The following MAP3K4 variants were observed in gnomAD, a reference collection of about 807,000 sequenced individuals.
MAP3K4 encodes the protein mitogen-activated protein kinase kinase kinase 4, also known as MAP three kinase 1.
In MAP3K4, 67 loss-of-function variants were observed where a neutral mutation model predicts 185.6. The observed-to-expected ratio is 0.36, with a 90% CI of 0.30 to 0.44. The LOEUF is 0.44. MAP3K4 is among the 20% of genes least tolerant of loss of function. MAP3K4 has a pLI of 1.00. For synonymous variants in MAP3K4, 702 were observed against 710.4 expected (o/e 0.99, Z 0.19); for missense variants, 1,551 against 1,995.1 (o/e 0.78, Z 4.24).
At chr6:161,025,715 A>T (rs1782616083) in intron 1 of MAP3K4, among the ~76,000 whole-genome samples, 1 of 152,240 alleles carries the variant, frequency 6.6e-6, no homozygotes, top group Non-Finnish European at 1.5e-5. Context: ...ATTTTAAAAA[A>T]TGTTCTTATT....
In MAP3K4 at chr6:161,107,983, C is replaced by T; in HGVS notation, c.4119+14C>T. ...GCCATGAAAGAGGTGAGTCACCTGG[C>T]TCCGTGGGGCCTTTGGGCCTGGCGG... is the stretch of plus-strand genomic sequence containing the variant. On this transcript the variant is annotated intron_variant, in intron 21 of 26. Transcript: ENST00000392142. The surrounding 1 kb of genome is among the most constrained non-coding windows in gnomAD (Gnocchi z 6.2). 1 of 1,613,030 alleles carries T rather than the reference C, an allele frequency of 6.2e-7. No homozygotes were observed. The highest frequency in any genetic ancestry group is 8.5e-7 in the Non-Finnish European group (1 of 1,179,628).
chr6:161,068,517 A>T (rs1784800850), intron 3 of MAP3K4, among the ~76,000 whole-genome samples: 1 of 152,230 alleles, frequency 6.6e-6, no homozygotes, highest in Admixed American at 6.5e-5. Flanking sequence ...TAGGCTAAAT[A>T]AAAGTGTCTG....
intron 15 of MAP3K4, among the ~76,000 whole-genome samples, chr6:161,094,648 T>G (rs1268938865): frequency 6.6e-6 from 1 of 152,240 alleles, no homozygotes; most frequent in South Asian, 2.1e-4. Flanking sequence ...CTAACTGTAT[T>G]TCATATAGGG....
rs1005895977 is a variant in MAP3K4, at chr6:161,070,551, C to T, written c.1708-57C>T. Reference sequence around the variant, plus strand: ...GAGAATAAGAGTTTATAACCACAACCGTAGAACGTTGTCTCGTATGCTCTT... The same window carrying T: ...GAGAATAAGAGTTTATAACCACAACTGTAGAACGTTGTCTCGTATGCTCTT... On this transcript the variant is annotated intron_variant, in intron 3 of 26. Transcript: ENST00000392142. The surrounding 1 kb of genome is among the most constrained non-coding windows in gnomAD (Gnocchi z 4.5). The T allele has an allele frequency of 9.2e-6, 14 of 1,519,482 alleles. No homozygotes were observed. The highest frequency in any genetic ancestry group is 2.3e-4 in the Middle Eastern group (1 of 4,270). 94.1% of individuals were successfully genotyped at this position (1,519,482 alleles called of 1,614,324 possible). A position where few individuals can be genotyped will look rare whatever the true frequency, so the allele number is the denominator to read the frequency against.
chr6:161,098,546 T>A lies in MAP3K4; in HGVS notation c.3674+119T>A. The stretch of plus-strand genomic sequence containing the variant: ...GGGCTTCTTTGCTGTGGCGTGTGAG[T>A]GATGCTCTAGGGCCTTCCGCAGGTT... On this transcript the variant is annotated intron_variant, in intron 17 of 26. Coordinates refer to ENST00000392142, the MANE Select transcript of MAP3K4 (RefSeq NM_005922.4). This position sits in a 1 kb window ranked among gnomAD's most constrained non-coding sequence, Gnocchi z 4.4. 1 of 1,269,452 alleles carries A rather than the reference T, an allele frequency of 7.9e-7. No homozygotes were observed. Among genetic ancestry groups the A allele is most frequent in the Non-Finnish European group, 1.1e-6 (1 of 930,836 alleles). 78.6% of individuals were successfully genotyped at this position (1,269,452 alleles called of 1,614,324 possible).
chr6:161,011,814 G>A (rs1025043099), intron 1 of MAP3K4, among the ~76,000 whole-genome samples: 6 of 152,290 alleles, frequency 3.9e-5, no homozygotes, highest in African/African-American at 1.4e-4. Flanking sequence ...TAAGTCAGTA[G>A]TAGCTCACTG....
chr6:161,105,567 G>T (rs1420175683), intron 19 of MAP3K4, among the ~76,000 whole-genome samples: 2 of 152,180 alleles, frequency 1.3e-5, no homozygotes, highest in African/African-American at 2.4e-5. Flanking sequence ...ATCAGAGATG[G>T]CTTCCTAGAA....
At chr6:161,099,682 C>T (rs1305549922) in intron 17 of MAP3K4, among the ~76,000 whole-genome samples, 1 of 152,196 alleles carries the variant, frequency 6.6e-6, no homozygotes, top group African/African-American at 2.4e-5. Flanking sequence ...ACCCTGTGCC[C>T]CCTGCATCCC....
At position 161,073,579 on chromosome 6, in the gene MAP3K4, C is replaced by T. The variant is rs374997561; in HGVS notation, c.2064C>T (p.Asp688=). The T allele has an allele frequency of 9.3e-6, 15 of 1,613,868 alleles. No individual in the cohort carries two copies. The highest frequency in any genetic ancestry group is 3.3e-5 in the South Asian group (3 of 91,064). Residue 688 remains aspartate, a synonymous_variant, in exon 5 of 27, where the codon GAC becomes GAT. Transcript: ENST00000392142. This position sits in a 1 kb window ranked among gnomAD's most constrained non-coding sequence, Gnocchi z 4.2. ...TGGAGAAGCCCGACTGCAACATTGACGCTTTTGAAGAGGATCTACATAAAA... is the reference window on the plus strand; with the variant it reads ...TGGAGAAGCCCGACTGCAACATTGATGCTTTTGAAGAGGATCTACATAAAA... The part of the protein sequence containing the change: ...EDLEKPDCNI[D]AFEEDLHKML...
In MAP3K4 at chr6:161,043,153, G is replaced by A. The variant is rs1783566766; in HGVS notation, c.344-5463G>A. 6.6e-6 allele frequency among the ~76,000 whole-genome samples: 1 copy of A among 152,196 alleles called. No individual in the cohort carries two copies. Among genetic ancestry groups the A allele is most frequent in the South Asian group, 2.1e-4 (1 of 4,836 alleles). Reference sequence around the variant, plus strand: ...TAGTGAAATGTTTGTGTCAACCAGAGTGGATTTAAATCCATATTTCAGCTC... The same window carrying A: ...TAGTGAAATGTTTGTGTCAACCAGAATGGATTTAAATCCATATTTCAGCTC... On this transcript the variant is annotated intron_variant, in intron 2 of 26. Transcript: ENST00000392142. This position sits in a 1 kb window ranked among gnomAD's most constrained non-coding sequence, Gnocchi z 4.3.
chr6:160,999,578 TG>T (rs146206170), intron 1 of MAP3K4, among the ~76,000 whole-genome samples: 3,736 of 152,330 alleles, frequency 0.025, 177 homozygotes, highest in African/African-American at 0.086. Context: ...TAAGATCATT[TG>T]GGCTGTGCGT....
chr6:161,093,809 G>A lies in MAP3K4; in HGVS notation c.3385G>A (p.Val1129Ile). The change falls in exon 15 of 27, where the codon GTC (valine) becomes ATC (isoleucine). Residue 1129 changes from valine (V) to isoleucine (I), a missense_variant. Val to Ile is a conservative substitution (Grantham distance 29). Transcript: ENST00000392142. This position sits in a 1 kb window ranked among gnomAD's most constrained non-coding sequence, Gnocchi z 5.2. Reference sequence around the variant, plus strand: ...CTTGATGAATGAATGCATTGGCCATGTCATAGGAAAACCACACAGTCCTGT... The same window carrying A: ...CTTGATGAATGAATGCATTGGCCATATCATAGGAAAACCACACAGTCCTGT... ...QALMNECIGH[V>I]IGKPHSPVTG... 6.2e-7 allele frequency: 1 copy of A among 1,613,816 alleles called. No individual in the cohort carries two copies. Among genetic ancestry groups the A allele is most frequent in the Middle Eastern group, 1.6e-4 (1 of 6,062 alleles).
At chr6:161,031,623 T>G (rs1234697693) in intron 1 of MAP3K4, among the ~76,000 whole-genome samples, 1 of 152,214 alleles carries the variant, frequency 6.6e-6, no homozygotes, top group Non-Finnish European at 1.5e-5. Context: ...TCTCCTCCAC[T>G]TTCACTCTGC....
chr6:161,033,589 T>G (rs58771214), intron 1 of MAP3K4, among the ~76,000 whole-genome samples: 7,187 of 152,294 alleles, frequency 0.047, 551 homozygotes, highest in African/African-American at 0.16. Flanking sequence ...TCCCAATTTT[T>G]TATTGTGTTA....
intron 1 of MAP3K4, among the ~76,000 whole-genome samples, chr6:161,024,788 A>G (rs1172678214): frequency 6.6e-6 from 1 of 152,244 alleles, no homozygotes; most frequent in Non-Finnish European, 1.5e-5. Flanking sequence ...CCCCATTGCA[A>G]TGTTACTTTT....
chr6:161,046,558 A>G lies in MAP3K4; in HGVS notation c.344-2058A>G, dbSNP rs193281379. Among the ~76,000 whole-genome samples, 687 of 151,914 alleles carry G rather than the reference A, an allele frequency of 4.5e-3. 6 individuals are homozygous for G. The highest frequency in any genetic ancestry group is 0.016 in the African/African-American group (653 of 41,550). On this transcript the variant is annotated intron_variant, in intron 2 of 26. Transcript: ENST00000392142. Reference sequence around the variant, plus strand: ...ATAATAGTAGTTTGTATACTAAAATACAGCAAAAAATCTCTATGGACAGAT... The same window carrying G: ...ATAATAGTAGTTTGTATACTAAAATGCAGCAAAAAATCTCTATGGACAGAT...
Position 161,048,592 on chromosome 6 carries a change from T to C in MAP3K4, c.344-24T>C. On this transcript the variant is annotated intron_variant, in intron 2 of 26. Coordinates refer to ENST00000392142, the MANE Select transcript of MAP3K4 (RefSeq NM_005922.4). The surrounding 1 kb of genome is among the most constrained non-coding windows in gnomAD (Gnocchi z 4.7). Reference sequence around the variant, plus strand: ...TTCATATTTTAGAGTTATATAATGTTCTGTTTATTTTTTTTTTTAATAGAA... The same window carrying C: ...TTCATATTTTAGAGTTATATAATGTCCTGTTTATTTTTTTTTTTAATAGAA... 2.1e-6 allele frequency: 3 copies of C among 1,450,484 alleles called. No homozygotes were observed. Among genetic ancestry groups the C allele is most frequent in the Non-Finnish European group, 2.8e-6 (3 of 1,071,086 alleles). The allele number at this position is 1,450,484 out of a possible 1,614,324, so 89.9% of individuals were successfully genotyped here. A position where few individuals can be genotyped will look rare whatever the true frequency, so the allele number is the denominator to read the frequency against.
At chr6:161,028,647 C>T (rs1020209632) in intron 1 of MAP3K4, among the ~76,000 whole-genome samples, 3 of 151,696 alleles carry the variant, frequency 2.0e-5, no homozygotes, top group African/African-American at 7.3e-5. Context: ...TTATTCATTT[C>T]CATAGGAAAT....
intron 23 of MAP3K4, among the ~76,000 whole-genome samples, chr6:161,111,152 A>T (rs1014791160): frequency 1.1e-4 from 16 of 152,308 alleles, no homozygotes; most frequent in African/African-American, 3.6e-4. Context: ...AGCTCATCAG[A>T]TGGCTGCTTG....
Sources: allele counts gnomAD v4.1 joint callset (sites outside exome capture counted in the v4.1 genomes callset), GRCh38; gene constraint gnomAD v4.1.1; non-coding constraint Gnocchi (gnomAD v3.1); transcripts MANE v1.5; gene names NCBI Gene and HGNC (gene_info 2026-07-23, HGNC 2026-07-21).